Variants in RTTN observed in about 807,000 individuals in gnomAD.
The protein encoded by RTTN is rotatin.
RTTN carries 182 observed loss-of-function variants against 269.2 expected under a neutral mutation model. The observed-to-expected ratio is 0.68, with a 90% CI of 0.60 to 0.76. The LOEUF (loss-of-function observed/expected upper bound fraction) is 0.76. Among genes scored for constraint, RTTN ranks in the 30% least tolerant of loss-of-function variants. The pLI, the probability that RTTN is intolerant of heterozygous loss-of-function variation, is 0.00. For synonymous variants in RTTN, 1,006 were observed against 963.5 expected (o/e 1.04, Z -0.82); for missense variants, 2,545 against 2,608.6 (o/e 0.98, Z 0.53).
intron 40 of RTTN, among the ~76,000 whole-genome samples, chr18:70,041,079 C>T (rs138753148): frequency 1.4e-3 from 212 of 151,876 alleles, no homozygotes; most frequent in Middle Eastern, 0.01. Flanking sequence ...CGGTGGCAAG[C>T]GCCTGTAATC....
At chr18:70,138,996 T>C (rs1010574294) in intron 21 of RTTN, 7 of 66,324 alleles carry the variant, frequency 1.1e-4, no homozygotes, top group Non-Finnish European at 2.3e-4. Context: ...AAGCTCTCCA[T>C]TGAGAAAAAA....
chr18:70,199,131 G>A (rs1213324734), intron 5 of RTTN, among the ~76,000 whole-genome samples: 1 of 152,090 alleles, frequency 6.6e-6, no homozygotes, highest in Non-Finnish European at 1.5e-5. Flanking sequence ...AGGTTGCATT[G>A]AGCCAGATGG....
chr18:70,057,371 T>G (rs2057848445), intron 37 of RTTN, among the ~76,000 whole-genome samples: 1 of 152,228 alleles, frequency 6.6e-6, no homozygotes, highest in Non-Finnish European at 1.5e-5. Context: ...ACCAAATATT[T>G]TAACAACTTT....
intron 35 of RTTN, among the ~76,000 whole-genome samples, chr18:70,064,154 A>G (rs545320341): frequency 6.6e-6 from 1 of 151,850 alleles, no homozygotes; most frequent in Admixed American, 6.6e-5. Flanking sequence ...CCTGGGCAAC[A>G]TGATGAAACC....
At chr18:70,180,538 C>T (rs1038741088) in intron 10 of RTTN, among the ~76,000 whole-genome samples, 6 of 149,524 alleles carry the variant, frequency 4.0e-5, no homozygotes, top group Non-Finnish European at 7.4e-5. Flanking sequence ...GTCAAGATCA[C>T]GCCACTGCCC....
chr18:70,181,500 G>A (rs902568411), intron 10 of RTTN, among the ~76,000 whole-genome samples: 7 of 151,976 alleles, frequency 4.6e-5, no homozygotes, highest in Non-Finnish European at 5.9e-5. Flanking sequence ...TATTTACTTC[G>A]AGTAATATAA....
Position 70,201,777 on chromosome 18 carries a change from A to G in RTTN, c.487+117T>C, listed in dbSNP as rs12326995. On this transcript the variant is annotated intron_variant, in intron 4 of 48. Transcript: ENST00000640769. Reference sequence around the variant, plus strand: ...CTTGAAACAACTAAAACATTTAATGATAGTTTGGTGCTGAAACATTCAAGT... The same window carrying G: ...CTTGAAACAACTAAAACATTTAATGGTAGTTTGGTGCTGAAACATTCAAGT... The G allele has an allele frequency of 0.061, 38,312 of 632,818 alleles. 2,072 individuals are homozygous for G. The highest frequency in any genetic ancestry group is 0.22 in the African/African-American group (11,817 of 53,976). 39.2% of individuals were successfully genotyped at this position (632,818 alleles called of 1,614,324 possible). A position where few individuals can be genotyped will look rare whatever the true frequency, so the allele number is the denominator to read the frequency against.
At chr18:70,057,603 C>T (rs1434471489) in intron 37 of RTTN, 139 bp downstream of exon 37, 18 of 610,904 alleles carry the variant, frequency 2.9e-5, no homozygotes, top group East Asian at 1.4e-4. Flanking sequence ...TTTCAAGTAA[C>T]GTATTTCGAA....
At chr18:70,165,559 T>C (rs1489584176) in intron 14 of RTTN, among the ~76,000 whole-genome samples, 4 of 151,998 alleles carry the variant, frequency 2.6e-5, no homozygotes, top group Non-Finnish European at 5.9e-5. Context: ...TACGCAGTAA[T>C]ATATATACTT....
chr18:70,055,833 T>TA (rs111941963), intron 37 of RTTN, among the ~76,000 whole-genome samples: 21 of 151,222 alleles, frequency 1.4e-4, no homozygotes, highest in African/African-American at 4.4e-4. Context: ...ATGGCCCTCT[T>TA]AAAAAAAAAT....
intron 7 of RTTN, among the ~76,000 whole-genome samples, chr18:70,195,108 C>A (rs929922327): frequency 1.3e-5 from 2 of 152,118 alleles, no homozygotes; most frequent in South Asian, 4.1e-4. Flanking sequence ...ATACTCTGGC[C>A]CCTAACTACC....
At chr18:70,132,796 C>T (rs2060029660) in intron 23 of RTTN, among the ~76,000 whole-genome samples, 1 of 152,064 alleles carries the variant, frequency 6.6e-6, no homozygotes, top group African/African-American at 2.4e-5. Flanking sequence ...ATCAGGACCA[C>T]TTTGAGATAC....
chr18:70,095,436 C>T (rs2058976287), intron 28 of RTTN, among the ~76,000 whole-genome samples: 1 of 152,136 alleles, frequency 6.6e-6, no homozygotes, highest in South Asian at 2.1e-4. Context: ...GTGGTTGGTA[C>T]TGGTTGTTCC....
At position 70,080,928 on chromosome 18, in the gene RTTN, TCACACACACACACACACACA is replaced by T. The variant is rs138851066; in HGVS notation, c.4375-5407_4375-5388del. 1.4e-3 allele frequency among the ~76,000 whole-genome samples: 202 copies of T among 146,892 alleles called. 2 individuals are homozygous for T. The highest frequency in any genetic ancestry group is 5.0e-3 in the African/African-American group (195 of 39,216). On this transcript the variant is annotated intron_variant, in intron 32 of 48. Coordinates refer to ENST00000640769, the MANE Select transcript of RTTN (RefSeq NM_173630.4). ...AGTGGATAAACTGGTGTGTGTGGTATCACACACACACACACACACACACACACACACACACACACACACAC... is the reference window on the plus strand; with the variant it reads ...AGTGGATAAACTGGTGTGTGTGGTATCACACACACACACACACACACACAC...
rs371160845 is a variant in RTTN at position 70,075,414 on chromosome 18, C to T, written c.4502G>A (p.Arg1501Gln). The T allele has an allele frequency of 6.1e-5, 98 of 1,601,748 alleles. No individual in the cohort carries two copies. In the Admixed American group the frequency reaches 7.3e-4, roughly 12 times the overall value. ...NQMVKHCYLG[R>Q]CMFDLNFSAF... is the part of the protein sequence containing the mutation. ...AGAAAAATTCAAATCAAACATACACCGTCCTAGGTAACAATGCTTTACCAT... is the reference window on the plus strand; with the variant it reads ...AGAAAAATTCAAATCAAACATACACTGTCCTAGGTAACAATGCTTTACCAT... The change falls in exon 33 of 49, where the codon CGG becomes CAG. Residue 1501 changes from arginine (R) to glutamine (Q), a missense_variant. Physicochemically the swap from Arg to Gln is conservative, Grantham distance 43. Coordinates refer to ENST00000640769, the MANE Select transcript of RTTN (RefSeq NM_173630.4).
intron 46 of RTTN, among the ~76,000 whole-genome samples, chr18:70,013,227 GACTT>G (rs1185174594): frequency 6.6e-6 from 1 of 152,180 alleles, no homozygotes; most frequent in East Asian, 1.9e-4. Context: ...ATGGGAGGGT[GACTT>G]CCTTATGTTC....
chr18:70,175,045 C>CAAAAAAAAAAAAAAAAAAAAAAAAAAA (rs5825998), intron 11 of RTTN, among the ~76,000 whole-genome samples: 3 of 86,830 alleles, frequency 3.5e-5, no homozygotes, highest in African/African-American at 9.2e-5. Context: ...AAACCAAAAC[C>CAAAAAAAAAAAAAAAAAAAAAAAAAAA]AAAAAAAAAA....
chr18:70,173,491 CAAAAAAAA>C (rs397974179), intron 11 of RTTN, among the ~76,000 whole-genome samples: 1 of 48,510 alleles, frequency 2.1e-5, no homozygotes, highest in Non-Finnish European at 4.5e-5. Context: ...GACTCCAACT[CAAAAAAAA>C]AAAAAAAAAA....
intron 46 of RTTN, chr18:70,007,162 G>A (rs919899692): frequency 6.6e-6 from 1 of 152,336 alleles, no homozygotes. Context: ...AGGGGTGGGG[G>A]AGCTCCCTCC....
Sources: allele counts gnomAD v4.1 joint callset (sites outside exome capture counted in the v4.1 genomes callset), GRCh38; gene constraint gnomAD v4.1.1; transcripts MANE v1.5; gene names NCBI Gene and HGNC (gene_info 2026-07-23, HGNC 2026-07-21).